The following GALNT2 variants were observed in gnomAD, a reference collection of about 807,000 sequenced individuals.
The protein encoded by GALNT2 is polypeptide N-acetylgalactosaminyltransferase 2.
In GALNT2, 31 loss-of-function variants were observed where a neutral mutation model predicts 81.4. That is an observed-to-expected ratio of 0.38 (90% CI 0.29 to 0.51). The LOEUF (loss-of-function observed/expected upper bound fraction) is 0.51. Among genes scored for constraint, GALNT2 ranks in the 20% least tolerant of loss-of-function variants. The pLI is 0.87. For synonymous variants in GALNT2, 303 were observed against 287.4 expected (o/e 1.05, Z -0.55); for missense variants, 629 against 765.7 (o/e 0.82, Z 2.11).
chr1:230,279,447 C>T lies in GALNT2; in HGVS notation c.1705C>T (p.Leu569=), dbSNP rs1301569966. 1.2e-6 allele frequency: 2 copies of T among 1,613,926 alleles called. No homozygotes were observed. The highest frequency in any genetic ancestry group is 1.3e-5 in the African/African-American group (1 of 75,062). ...LSQQWKFTLN[L]QQ ...GCAGCAGTGGAAGTTCACGCTCAAC[C>T]TGCAGCAGTAGGAGGGTCCGGGAGG... The change falls in exon 16 of 16, where the codon CTG becomes TTG. Residue 569 remains leucine, a synonymous_variant. Transcript: ENST00000366672. The surrounding 1 kb of genome is among the most constrained non-coding windows in gnomAD (Gnocchi z 4.6).
At chr1:230,078,850 C>T (rs943529498) in intron 1 of GALNT2, among the ~76,000 whole-genome samples, 1 of 152,180 alleles carries the variant, frequency 6.6e-6, no homozygotes, top group African/African-American at 2.4e-5. Context: ...ATCACCCAGG[C>T]TGGAGTATAG....
intron 1 of GALNT2, among the ~76,000 whole-genome samples, chr1:230,081,712 A>T (rs1253723879): frequency 2.6e-5 from 4 of 152,200 alleles, no homozygotes; most frequent in Non-Finnish European, 4.4e-5. Context: ...ACAACTCACA[A>T]CTGGATTGCA....
At chr1:230,194,548 G>A (rs1663627557) in intron 2 of GALNT2, among the ~76,000 whole-genome samples, 1 of 152,224 alleles carries the variant, frequency 6.6e-6, no homozygotes, top group Non-Finnish European at 1.5e-5. Flanking sequence ...GATAAGAAGG[G>A]AAGGCCTTAG....
At chr1:230,250,142 T>G (rs1320887745) in intron 9 of GALNT2, among the ~76,000 whole-genome samples, 1 of 152,216 alleles carries the variant, frequency 6.6e-6, no homozygotes, top group African/African-American at 2.4e-5. Context: ...AAGGCCGAGT[T>G]CTTTGCCTAT....
chr1:230,104,632 T>G (rs1337131994), intron 1 of GALNT2, among the ~76,000 whole-genome samples: 1 of 152,188 alleles, frequency 6.6e-6, no homozygotes, highest in Non-Finnish European at 1.5e-5. Context: ...AATCCTGGAA[T>G]GCGTAATTCA....
intron 1 of GALNT2, among the ~76,000 whole-genome samples, chr1:230,098,045 A>T (rs1421838212): frequency 6.6e-6 from 1 of 152,240 alleles, no homozygotes; most frequent in East Asian, 1.9e-4. Flanking sequence ...GGGTAGGTAG[A>T]CATTTAAAGT....
At chr1:230,188,062 G>A (rs1209240085) in intron 2 of GALNT2, among the ~76,000 whole-genome samples, 3 of 152,088 alleles carry the variant, frequency 2.0e-5, no homozygotes, top group African/African-American at 7.2e-5. Flanking sequence ...GTTTGCTAGG[G>A]ACCACTCTCT....
intron 11 of GALNT2, among the ~76,000 whole-genome samples, chr1:230,260,112 TG>T (rs1665831212): frequency 6.6e-6 from 1 of 152,236 alleles, no homozygotes; most frequent in East Asian, 1.9e-4. Flanking sequence ...TATCTCATGT[TG>T]GTGCTCAAAA....
At chr1:230,143,670 G>A (rs1661822557) in intron 1 of GALNT2, among the ~76,000 whole-genome samples, 1 of 152,214 alleles carries the variant, frequency 6.6e-6, no homozygotes, top group Non-Finnish European at 1.5e-5. Context: ...TCAGCCCCAC[G>A]CTCTTATTAA....
chr1:230,221,237 T>G (rs1350801180), intron 3 of GALNT2, among the ~76,000 whole-genome samples: 1 of 152,248 alleles, frequency 6.6e-6, no homozygotes, highest in African/African-American at 2.4e-5. Flanking sequence ...TAACTTTCCC[T>G]TATAAAAGCT....
intron 3 of GALNT2, among the ~76,000 whole-genome samples, chr1:230,231,909 A>G (rs1664877257): frequency 1.3e-5 from 2 of 152,156 alleles, no homozygotes; most frequent in African/African-American, 2.4e-5. Context: ...GTCTGGTAGA[A>G]CAAACCTTAC....
At chr1:230,229,666 G>A (rs571229575) in intron 3 of GALNT2, among the ~76,000 whole-genome samples, 1 of 152,306 alleles carries the variant, frequency 6.6e-6, no homozygotes, top group African/African-American at 2.4e-5. Flanking sequence ...ATAATCAGCA[G>A]AAAAGGGATG....
At chr1:230,136,398 C>T (rs1333185820) in intron 1 of GALNT2, among the ~76,000 whole-genome samples, 2 of 152,152 alleles carry the variant, frequency 1.3e-5, no homozygotes, top group Admixed American at 6.5e-5. Flanking sequence ...TTCCTGGTGG[C>T]CTGAGTTGTT....
At chr1:230,195,502 A>G (rs532948206) in intron 2 of GALNT2, among the ~76,000 whole-genome samples, 2 of 152,260 alleles carry the variant, frequency 1.3e-5, no homozygotes, top group Admixed American at 1.3e-4. Context: ...GGGCTCCTGG[A>G]GGAGGTAGCC....
intron 1 of GALNT2, among the ~76,000 whole-genome samples, chr1:230,072,450 A>G (rs1571927313): frequency 6.6e-6 from 1 of 152,098 alleles, no homozygotes; most frequent in African/African-American, 2.4e-5. Flanking sequence ...CTGAGATCCC[A>G]GGAAGGGAAG....
At chr1:230,237,643 A>G (rs1352067999) in intron 6 of GALNT2, among the ~76,000 whole-genome samples, 3 of 152,182 alleles carry the variant, frequency 2.0e-5, no homozygotes, top group Non-Finnish European at 4.4e-5. Context: ...AGGGTCATCA[A>G]CCTAGACATT....
Position 230,067,253 on chromosome 1 carries a change from CG to C in GALNT2, c.-26del. 1 of 1,269,238 alleles carries C rather than the reference CG, an allele frequency of 7.9e-7. No homozygotes were observed. Among genetic ancestry groups the C allele is most frequent in the African/African-American group, 1.6e-5 (1 of 63,408 alleles). 78.6% of individuals were successfully genotyped at this position (1,269,238 alleles called of 1,614,324 possible). A position where few individuals can be genotyped will look rare whatever the true frequency, so the allele number is the denominator to read the frequency against. ...CCCAGGCAGCACTCGCGAGCAGCGG[CG>C]GCCCCGCCGGCGGCCGAGTTGGGAG... On this transcript the variant is annotated 5_prime_UTR_variant, in exon 1 of 16. Coordinates refer to ENST00000366672, the MANE Select transcript of GALNT2 (RefSeq NM_004481.5).
intron 1 of GALNT2, among the ~76,000 whole-genome samples, chr1:230,117,397 T>C (rs1660877930): frequency 6.6e-6 from 1 of 152,288 alleles, no homozygotes; most frequent in Admixed American, 6.5e-5. Flanking sequence ...CAAGAACTTT[T>C]CCTTTGCATT....
intron 3 of GALNT2, among the ~76,000 whole-genome samples, chr1:230,205,615 CAAGG>C (rs751878445): frequency 1.3e-5 from 2 of 152,124 alleles, no homozygotes; most frequent in Non-Finnish European, 2.9e-5. Context: ...ACCTGGGGTC[CAAGG>C]ACCTCCAGGG....
Sources: gnomAD v4.1 joint callset for allele counts (sites outside exome capture counted in the v4.1 genomes callset) on GRCh38, gnomAD v4.1.1 for gene constraint, Gnocchi (gnomAD v3.1) non-coding constraint, MANE v1.5 for transcripts, NCBI Gene and HGNC (gene_info 2026-07-23, HGNC 2026-07-21) for gene names.